ADAMTS17: variants seen among roughly 807,000 people sequenced by gnomAD.
ADAMTS17 encodes the protein ADAM metallopeptidase with thrombospondin type 1 motif 17.
ADAMTS17 carries 113 observed loss-of-function variants against 141.5 expected under a neutral mutation model. The observed-to-expected ratio is 0.80, with a 90% CI of 0.69 to 0.93. The LOEUF (loss-of-function observed/expected upper bound fraction) is 0.93, where lower values mean the gene tolerates loss of function less well. ADAMTS17 is among the 40% of genes least tolerant of loss of function. The probability of loss-of-function intolerance (pLI) is 0.00; values close to 1 mark genes in which losing one functional copy is unlikely to be tolerated. For missense variants in ADAMTS17, 1,659 were observed against 1,517.9 expected, an observed-to-expected ratio of 1.09 and a Z score of -1.54; for synonymous variants, 768 against 630.6, an observed-to-expected ratio of 1.22 and a Z score of -3.27.
chr15:100,301,336 T>C (rs1405114760), intron 3 of ADAMTS17, among the ~76,000 whole-genome samples: 1 of 148,880 alleles, frequency 6.7e-6, no homozygotes, highest in Non-Finnish European at 1.5e-5. Context: ...TATATATATA[T>C]ATATTTTTCT....
intron 7 of ADAMTS17, among the ~76,000 whole-genome samples, chr15:100,207,531 T>C (rs62036187): frequency 0.29 from 44,265 of 151,724 alleles, 6,854 homozygotes; most frequent in East Asian, 0.44. Context: ...AGCCACCTAA[T>C]GCGCCATGGG....
intron 15 of ADAMTS17, among the ~76,000 whole-genome samples, chr15:100,083,972 C>A (rs1189951492): frequency 6.6e-6 from 1 of 151,980 alleles, no homozygotes; most frequent in Admixed American, 6.6e-5. Context: ...GTTCATCTCA[C>A]TGGGGAGTGC....
chr15:100,291,786 C>T (rs924740515), intron 3 of ADAMTS17, among the ~76,000 whole-genome samples: 13 of 152,146 alleles, frequency 8.5e-5, no homozygotes, highest in African/African-American at 2.7e-4. Flanking sequence ...GGGAGTTAAA[C>T]ACTCAGTACA....
chr15:100,250,812 T>G lies in ADAMTS17; in HGVS notation c.1075+3324A>C, dbSNP rs143843313. On this transcript the variant is annotated intron_variant, in intron 7 of 21. Coordinates refer to ENST00000268070, the MANE Select transcript of ADAMTS17 (RefSeq NM_139057.4). ...CTGCAGTTATGTCAGATGTTACCACTGGACAAAGCTGGGTGATAGGTACAA... is the reference window on the plus strand; with the variant it reads ...CTGCAGTTATGTCAGATGTTACCACGGGACAAAGCTGGGTGATAGGTACAA... 3.3e-5 allele frequency among the ~76,000 whole-genome samples: 5 copies of G among 152,306 alleles called. No individual in the cohort carries two copies. The East Asian group carries it at 9.6e-4, about 29-fold the overall frequency.
intron 6 of ADAMTS17, among the ~76,000 whole-genome samples, chr15:100,255,123 T>G (rs915193621): frequency 6.6e-6 from 1 of 152,190 alleles, no homozygotes; most frequent in East Asian, 1.9e-4. Flanking sequence ...GCCCTGGTTC[T>G]GCAAGTACAA....
intron 8 of ADAMTS17, among the ~76,000 whole-genome samples, chr15:100,182,896 T>A (rs1167348951): frequency 6.6e-6 from 1 of 152,260 alleles, no homozygotes; most frequent in Non-Finnish European, 1.5e-5. Flanking sequence ...TGCAGGCATA[T>A]GTCTTTCACT....
chr15:100,228,857 A>T (rs1361908327), intron 7 of ADAMTS17, among the ~76,000 whole-genome samples: 1 of 152,116 alleles, frequency 6.6e-6, no homozygotes, highest in Non-Finnish European at 1.5e-5. Flanking sequence ...CTGTGGGAGG[A>T]TGGGGCCCTG....
At chr15:100,233,593 G>C (rs893041902) in intron 7 of ADAMTS17, among the ~76,000 whole-genome samples, 1 of 152,134 alleles carries the variant, frequency 6.6e-6, no homozygotes, top group African/African-American at 2.4e-5. Flanking sequence ...GGAACACAGT[G>C]GGGGCGTGAA....
intron 15 of ADAMTS17, 146 bp from the exon 16 acceptor site, chr15:100,054,200 G>A (rs371259951): frequency 2.7e-5 from 25 of 911,798 alleles, no homozygotes; most frequent in Middle Eastern, 2.9e-4. Flanking sequence ...GAGAGAAGGC[G>A]AGTGCTCTGT....
intron 7 of ADAMTS17, among the ~76,000 whole-genome samples, chr15:100,212,491 C>G (rs147343839): frequency 1.4e-3 from 211 of 152,238 alleles, no homozygotes; most frequent in African/African-American, 4.8e-3. Context: ...GTATTTCTTG[C>G]AAGAAGCTTT....
intron 7 of ADAMTS17, among the ~76,000 whole-genome samples, chr15:100,230,099 C>A (rs1366103313): frequency 1.3e-5 from 2 of 152,234 alleles, no homozygotes; most frequent in Non-Finnish European, 2.9e-5. Context: ...CAACACCGGG[C>A]ACTTAAACAT....
At chr15:100,291,826 G>A (rs759037553) in intron 3 of ADAMTS17, among the ~76,000 whole-genome samples, 58 of 152,066 alleles carry the variant, frequency 3.8e-4, no homozygotes, top group Non-Finnish European at 5.9e-4. Context: ...ACGACCTATC[G>A]GGTACTATGC....
intron 8 of ADAMTS17, among the ~76,000 whole-genome samples, chr15:100,171,631 G>A (rs1185080421): frequency 6.6e-6 from 1 of 152,142 alleles, no homozygotes; most frequent in Non-Finnish European, 1.5e-5. Context: ...CCAGCAGACA[G>A]CATCCCTCCA....
At chr15:100,261,388 G>A in intron 6 of ADAMTS17, 91 bp downstream of exon 6, 1 of 1,578,968 alleles carries the variant, frequency 6.3e-7, no homozygotes, top group Non-Finnish European at 8.6e-7. Context: ...TGATTTCCAA[G>A]CCTGAGTTCT....
intron 3 of ADAMTS17, among the ~76,000 whole-genome samples, chr15:100,313,744 T>C (rs940710410): frequency 1.3e-5 from 2 of 150,068 alleles, no homozygotes; most frequent in Non-Finnish European, 3.0e-5. Context: ...TGAAGAAACG[T>C]CAGACAAAAC....
At chr15:100,065,962 G>A (rs2033490980) in intron 15 of ADAMTS17, among the ~76,000 whole-genome samples, 1 of 152,228 alleles carries the variant, frequency 6.6e-6, no homozygotes, top group African/African-American at 2.4e-5. Context: ...ACTTATGAGT[G>A]AGAACATGCG....
At chr15:100,183,903 C>T (rs376602139) in intron 8 of ADAMTS17, among the ~76,000 whole-genome samples, 2 of 152,170 alleles carry the variant, frequency 1.3e-5, no homozygotes, top group African/African-American at 2.4e-5. Flanking sequence ...CCTCTTCAGT[C>T]GCTGCTGGTG....
At chr15:100,262,804 A>AAAAC (rs1224498604) in intron 4 of ADAMTS17, among the ~76,000 whole-genome samples, 1 of 150,220 alleles carries the variant, frequency 6.7e-6, no homozygotes, top group African/African-American at 2.5e-5. Flanking sequence ...AAAACAAAAA[A>AAAAC]CCTAAAGAAT....
chr15:99,984,283 C>G lies in ADAMTS17; in HGVS notation c.2950-8061G>C, dbSNP rs529059868. On this transcript the variant is annotated intron_variant, in intron 20 of 21. Transcript: ENST00000268070. ...AGAGGAGACTGCGGGCAGCTCTCAT[C>G]CTCTTTCCTGGGGCTGGAGCTGTTC... 3.1e-3 allele frequency among the ~76,000 whole-genome samples: 469 copies of G among 152,294 alleles called. 2 individuals are homozygous for G. The highest frequency in any genetic ancestry group is 0.011 in the African/African-American group (438 of 41,568).
Sources: gnomAD v4.1 joint callset for allele counts (sites outside exome capture counted in the v4.1 genomes callset) on GRCh38, gnomAD v4.1.1 for gene constraint, MANE v1.5 for transcripts, NCBI Gene and HGNC (gene_info 2026-07-23, HGNC 2026-07-21) for gene names.